PSPC1: variants seen among roughly 807,000 people sequenced by gnomAD.
The protein encoded by PSPC1 is paraspeckle protein 1.
A neutral mutation model predicts 51.6 loss-of-function variants in PSPC1; 14 were observed. That is an observed-to-expected ratio of 0.27 (90% confidence interval 0.18 to 0.42). The LOEUF (loss-of-function observed/expected upper bound fraction) is 0.42. Among genes scored for constraint, PSPC1 ranks in the 10% least tolerant of loss-of-function variants. PSPC1 has a pLI of 1.00. For synonymous variants in PSPC1, 193 were observed against 231.9 expected (o/e 0.83, Z 1.53); for missense variants, 406 against 701.1 (o/e 0.58, Z 4.75).
chr13:19,723,653 C>G (rs1402699582), intron 6 of PSPC1, among the ~76,000 whole-genome samples: 1 of 152,080 alleles, frequency 6.6e-6, no homozygotes, highest in Non-Finnish European at 1.5e-5. Context: ...TACCTTCAAC[C>G]AATTATCCCA....
At chr13:19,696,940 T>C (rs1220044714) in intron 6 of PSPC1, among the ~76,000 whole-genome samples, 1 of 152,252 alleles carries the variant, frequency 6.6e-6, no homozygotes, top group Non-Finnish European at 1.5e-5. Flanking sequence ...AATGAATTTA[T>C]GCATTAAATA....
At chr13:19,754,322 G>T (rs1326724612) in intron 3 of PSPC1, among the ~76,000 whole-genome samples, 7 of 151,870 alleles carry the variant, frequency 4.6e-5, no homozygotes, top group African/African-American at 1.7e-4. Context: ...CTGATCTCAG[G>T]TGATCCACCC....
chr13:19,705,964 C>A, intron 7 of PSPC1, 133 bp from the exon 8 acceptor site: 2 of 645,936 alleles, frequency 3.1e-6, no homozygotes, highest in Non-Finnish European at 2.4e-6. Context: ...ATGCGATATG[C>A]GTTATCTACT....
At chr13:19,756,381 T>C (rs1357660101) in intron 3 of PSPC1, among the ~76,000 whole-genome samples, 1 of 152,104 alleles carries the variant, frequency 6.6e-6, no homozygotes, top group Non-Finnish European at 1.5e-5. Context: ...GCCAAGAACT[T>C]GGATACTCTC....
intron 2 of PSPC1, among the ~76,000 whole-genome samples, chr13:19,762,326 GGT>G (rs1887671900): frequency 6.6e-6 from 1 of 152,160 alleles, no homozygotes. Flanking sequence ...GGGAGGCCGA[GGT>G]GCGTGGATCA....
intron 3 of PSPC1, among the ~76,000 whole-genome samples, chr13:19,757,446 T>C (rs1020824072): frequency 2.6e-4 from 40 of 152,070 alleles, no homozygotes; most frequent in African/African-American, 9.4e-4. Flanking sequence ...ATGAAGCAGT[T>C]ACAGAAAAAA....
intron 6 of PSPC1, among the ~76,000 whole-genome samples, chr13:19,729,844 T>C (rs777880856): frequency 2.0e-5 from 3 of 152,160 alleles, no homozygotes; most frequent in Non-Finnish European, 2.9e-5. Flanking sequence ...ATGTAAAAGA[T>C]TGGCCATATG....
intron 3 of PSPC1, among the ~76,000 whole-genome samples, chr13:19,751,780 G>T (rs1366679229): frequency 6.6e-6 from 1 of 152,160 alleles, no homozygotes; most frequent in African/African-American, 2.4e-5. Context: ...TTTACAGGCC[G>T]GGCGCAGTGG....
chr13:19,762,934 C>T (rs1435535255), intron 2 of PSPC1, among the ~76,000 whole-genome samples: 6 of 151,980 alleles, frequency 3.9e-5, no homozygotes, highest in African/African-American at 2.4e-5. Flanking sequence ...GGTGAAACCC[C>T]GTCTCTACTA....
At chr13:19,769,526 C>T (rs573776708) in intron 2 of PSPC1, among the ~76,000 whole-genome samples, 1 of 152,214 alleles carries the variant, frequency 6.6e-6, no homozygotes, top group Non-Finnish European at 1.5e-5. Flanking sequence ...GCACTCCGGC[C>T]TGGGGGACAG....
At chr13:19,730,140 A>T in intron 6 of PSPC1, 99 bp downstream of exon 6, 2 of 873,782 alleles carry the variant, frequency 2.3e-6, no homozygotes, top group Non-Finnish European at 3.6e-6. Context: ...TAGAAAGATT[A>T]GAAAAGACTA....
chr13:19,723,688 T>C (rs1288435853), intron 6 of PSPC1, among the ~76,000 whole-genome samples: 1 of 152,234 alleles, frequency 6.6e-6, no homozygotes, highest in Non-Finnish European at 1.5e-5. Flanking sequence ...TACAAATCAA[T>C]TCTAAGAATA....
At chr13:19,749,443 C>T (rs1485191202) in intron 4 of PSPC1, among the ~76,000 whole-genome samples, 1 of 151,268 alleles carries the variant, frequency 6.6e-6, no homozygotes, top group East Asian at 2.0e-4. Context: ...ACGAGAATTG[C>T]CTCAACATGG....
Position 19,751,204 on chromosome 13 carries a change from A to G in PSPC1, c.967+67T>C, listed in dbSNP as rs1000482607. On this transcript the variant is annotated intron_variant, in intron 4 of 8. Coordinates refer to ENST00000338910, the MANE Select transcript of PSPC1 (RefSeq NM_001354909.2). ...TAAATGGCACTTTACACAGTAGTAC[A>G]TGAATGGTACACACACTTAAGGGAA... 9.2e-6 allele frequency: 12 copies of G among 1,311,078 alleles called. No homozygotes were observed. The African/African-American group carries it at 1.2e-4, about 13-fold the overall frequency. 81.2% of individuals were successfully genotyped at this position (1,311,078 alleles called of 1,614,324 possible).
chr13:19,759,250 C>A, intron 3 of PSPC1, 73 bp downstream of exon 3: 1 of 1,169,802 alleles, frequency 8.5e-7, no homozygotes, highest in Non-Finnish European at 1.3e-6. Context: ...ACCTCATAAT[C>A]CAATATTTGA....
At chr13:19,723,477 A>G (rs1883015101) in intron 6 of PSPC1, among the ~76,000 whole-genome samples, 1 of 152,210 alleles carries the variant, frequency 6.6e-6, no homozygotes, top group Non-Finnish European at 1.5e-5. Context: ...AAGAAAGCCC[A>G]TTTTATGCCT....
intron 6 of PSPC1, among the ~76,000 whole-genome samples, chr13:19,691,997 G>A (rs1878623092): frequency 6.6e-6 from 1 of 152,284 alleles, no homozygotes; most frequent in Middle Eastern, 3.4e-3. Context: ...GAGGGATGGA[G>A]GTAGATGAGG....
intron 6 of PSPC1, among the ~76,000 whole-genome samples, chr13:19,696,216 A>T (rs1879214225): frequency 6.6e-6 from 1 of 152,220 alleles, no homozygotes; most frequent in Non-Finnish European, 1.5e-5. Context: ...GCAGAGTCAG[A>T]GAGTCCCCAG....
intron 6 of PSPC1, among the ~76,000 whole-genome samples, chr13:19,694,781 C>T (rs1048737954): frequency 1.3e-5 from 2 of 152,118 alleles, no homozygotes; most frequent in African/African-American, 4.8e-5. Context: ...GAACTGTGGC[C>T]GCTTACTTCA....
Sources: gnomAD v4.1 joint callset for allele counts (sites outside exome capture counted in the v4.1 genomes callset) on GRCh38, gnomAD v4.1.1 for gene constraint, MANE v1.5 for transcripts, NCBI Gene and HGNC (gene_info 2026-07-23, HGNC 2026-07-21) for gene names.